Variants in TMOD1 observed in about 807,000 individuals in gnomAD.
TMOD1 encodes tropomodulin-1.
Under a neutral mutation model 40.6 loss-of-function variants are expected in TMOD1, and 17 were observed. That is an observed-to-expected ratio of 0.42 (90% CI 0.29 to 0.63). TMOD1 has a LOEUF of 0.63. TMOD1 is among the 20% of genes least tolerant of loss of function. TMOD1 has a pLI of 0.22. For missense variants in TMOD1, 391 were observed against 447.6 expected (o/e 0.87, Z 1.14); for synonymous variants, 181 against 175.0 (o/e 1.03, Z -0.27).
At chr9:97,575,306 C>G (rs1238418237) in intron 8 of TMOD1, among the ~76,000 whole-genome samples, 1 of 152,212 alleles carries the variant, frequency 6.6e-6, no homozygotes. Context: ...ACCACAAACC[C>G]ACCGGAAGGA....
intron 1 of TMOD1, among the ~76,000 whole-genome samples, chr9:97,522,301 C>T (rs931285282): frequency 4.6e-5 from 7 of 152,168 alleles, no homozygotes; most frequent in African/African-American, 1.7e-4. Flanking sequence ...AGCATCACCC[C>T]AATCTCTGCC....
intron 9 of TMOD1, among the ~76,000 whole-genome samples, chr9:97,599,175 AGGGTAATCTTTCGG>A (rs1347161820): frequency 1.3e-5 from 2 of 149,674 alleles, no homozygotes; most frequent in Admixed American, 1.3e-4. Flanking sequence ...CAGATACTGC[AGGGTAATCTTTCGG>A]GTGGAAACTC....
intron 9 of TMOD1, among the ~76,000 whole-genome samples, chr9:97,595,726 G>C (rs983798527): frequency 6.6e-6 from 1 of 151,950 alleles, no homozygotes; most frequent in African/African-American, 2.4e-5. Flanking sequence ...TAAATATCCA[G>C]AAGTGGGACT....
At chr9:97,569,946 G>GT (rs549426839) in intron 8 of TMOD1, among the ~76,000 whole-genome samples, 92 of 147,138 alleles carry the variant, frequency 6.3e-4, no homozygotes, top group East Asian at 1.4e-3. Context: ...TGGGGACTCA[G>GT]TTTTTTTTTT....
At chr9:97,559,794 AAT>A (rs1193457397) in intron 4 of TMOD1, among the ~76,000 whole-genome samples, 64 of 23,160 alleles carry the variant, frequency 2.8e-3, no homozygotes, top group Non-Finnish European at 3.0e-3. Flanking sequence ...AAAAAAAAAA[AAT>A]ATATATATAT....
intron 8 of TMOD1, among the ~76,000 whole-genome samples, chr9:97,590,293 G>A (rs763391071): frequency 3.3e-5 from 5 of 151,384 alleles, no homozygotes; most frequent in Non-Finnish European, 7.4e-5. Context: ...GCACAATTTC[G>A]GCTCGCTGCA....
At chr9:97,579,448 T>A (rs1477821479) in intron 8 of TMOD1, among the ~76,000 whole-genome samples, 1 of 152,166 alleles carries the variant, frequency 6.6e-6, no homozygotes, top group African/African-American at 2.4e-5. Context: ...AGTGGCTATT[T>A]GTTTGCTGGT....
chr9:97,559,121 C>G (rs138427155), intron 4 of TMOD1, among the ~76,000 whole-genome samples: 1 of 152,154 alleles, frequency 6.6e-6, no homozygotes, highest in Non-Finnish European at 1.5e-5. Flanking sequence ...ATATGATCCC[C>G]GCAAAACCTG....
Position 97,557,648 on chromosome 9 carries a change from T to G in TMOD1, c.397+4248T>G, listed in dbSNP as rs1038474349. The stretch of plus-strand genomic sequence containing the variant: ...TGGGCTGGAGCCAGTTTCTCCCACC[T>G]GTCCCTGGGATGCAGGAGAACATCT... On this transcript the variant is annotated intron_variant, in intron 4 of 9. Coordinates refer to ENST00000259365, the MANE Select transcript of TMOD1 (RefSeq NM_003275.4). This position sits in a 1 kb window ranked among gnomAD's most constrained non-coding sequence, Gnocchi z 4.4. 2.6e-5 allele frequency among the ~76,000 whole-genome samples: 4 copies of G among 152,176 alleles called. No homozygotes were observed. The highest frequency in any genetic ancestry group is 5.9e-5 in the Non-Finnish European group (4 of 68,026).
Position 97,568,875 on chromosome 9 carries a change from C to G in TMOD1, c.727-19C>G. ...TCGGGGTGACTCATGGGTATCCTTG[C>G]TTTCTCTTGTGCTTCAAGGCCCTTG... On this transcript the variant is annotated intron_variant, in intron 7 of 9. Coordinates refer to ENST00000259365, the MANE Select transcript of TMOD1 (RefSeq NM_003275.4). 2 of 1,612,286 alleles carry G rather than the reference C, an allele frequency of 1.2e-6. No individual in the cohort carries two copies. Among genetic ancestry groups the G allele is most frequent in the Non-Finnish European group, 1.7e-6 (2 of 1,178,504 alleles).
rs186968639 is a variant in TMOD1, at chr9:97,543,099, G to A, written c.121-3086G>A. Reference sequence around the variant, plus strand: ...GGCCTCTACCAGATAGATTCGAAAAGAGATGAGAGTTTGCAAACCCTTCTC... The same window carrying A: ...GGCCTCTACCAGATAGATTCGAAAAAAGATGAGAGTTTGCAAACCCTTCTC... On this transcript the variant is annotated intron_variant, in intron 2 of 9. Coordinates refer to ENST00000259365, the MANE Select transcript of TMOD1 (RefSeq NM_003275.4). Among the ~76,000 whole-genome samples the A allele has an allele frequency of 2.5e-3, 386 of 152,310 alleles. 1 individual carries two copies. The highest frequency in any genetic ancestry group is 0.014 in the Middle Eastern group (4 of 294).
At chr9:97,531,697 A>C (rs1309398857) in intron 2 of TMOD1, among the ~76,000 whole-genome samples, 1 of 152,222 alleles carries the variant, frequency 6.6e-6, no homozygotes, top group Non-Finnish European at 1.5e-5. Flanking sequence ...CTCCAAGGAC[A>C]CTTAGAAATC....
chr9:97,587,797 A>G (rs1825913235), intron 8 of TMOD1, among the ~76,000 whole-genome samples: 1 of 152,080 alleles, frequency 6.6e-6, no homozygotes, highest in African/African-American at 2.4e-5. Flanking sequence ...CCTCCTTTCC[A>G]TCGCTATGGA....
rs1830521379 is a variant in TMOD1 at position 97,555,426 on chromosome 9, G to T, written c.397+2026G>T. ...GATTATCAAATGACTGCCGGCGCCT[G>T]CGGTTCCTGTGCCAGGTCAGAGCTG... On this transcript the variant is annotated intron_variant, in intron 4 of 9. Transcript: ENST00000259365. 1.1e-5 allele frequency: 15 copies of T among 1,393,610 alleles called. No individual in the cohort carries two copies. In the South Asian group the frequency reaches 2.1e-4, roughly 19 times the overall value. 86.3% of individuals were successfully genotyped at this position (1,393,610 alleles called of 1,614,324 possible).
At position 97,531,442 on chromosome 9, in the gene TMOD1, C is replaced by T. The variant is rs566609375; in HGVS notation, c.120+7134C>T. Among the ~76,000 whole-genome samples, 6 of 152,194 alleles carry T rather than the reference C, an allele frequency of 3.9e-5. No individual in the cohort carries two copies. In the South Asian group the frequency reaches 1.2e-3, roughly 32 times the overall value. On this transcript the variant is annotated intron_variant, in intron 2 of 9. Coordinates refer to ENST00000259365, the MANE Select transcript of TMOD1 (RefSeq NM_003275.4). ...CCTGGCCAACATAGAGAAACCCTAT[C>T]TCTACTTAAAATACAAAAATTAGCT...
chr9:97,559,794 A>AAAATATATATAT (rs1390791825), intron 4 of TMOD1, among the ~76,000 whole-genome samples: 8 of 23,162 alleles, frequency 3.5e-4, no homozygotes, highest in Admixed American at 7.4e-4. Context: ...AAAAAAAAAA[A>AAAATATATATAT]ATATATATAT....
At chr9:97,563,760 A>G (rs2131265750) in intron 5 of TMOD1, among the ~76,000 whole-genome samples, 2 of 152,330 alleles carry the variant, frequency 1.3e-5, no homozygotes, top group Admixed American at 1.3e-4. Context: ...GAAAATGACT[A>G]GCCCTGCCTT....
At chr9:97,554,700 G>A (rs1185653406) in intron 4 of TMOD1, among the ~76,000 whole-genome samples, 1 of 152,086 alleles carries the variant, frequency 6.6e-6, no homozygotes, top group African/African-American at 2.4e-5. Flanking sequence ...GGCTGGCCAG[G>A]AGACTCAGAG....
intron 8 of TMOD1, among the ~76,000 whole-genome samples, chr9:97,575,559 CAGTT>C (rs1830920859): frequency 6.6e-6 from 1 of 152,174 alleles, no homozygotes; most frequent in Non-Finnish European, 1.5e-5. Context: ...ATTTTAATGT[CAGTT>C]AGGGTCTGGG....
Sources: allele counts gnomAD v4.1 joint callset (sites outside exome capture counted in the v4.1 genomes callset), GRCh38; gene constraint gnomAD v4.1.1; non-coding constraint Gnocchi (gnomAD v3.1); transcripts MANE v1.5; gene names NCBI Gene and HGNC (gene_info 2026-07-23, HGNC 2026-07-21).